The following CCNY variants were observed in gnomAD, a reference collection of about 807,000 sequenced individuals.
CCNY encodes the protein cyclin-Y.
A neutral mutation model predicts 42.8 loss-of-function variants in CCNY; 19 were observed. The ratio of observed to expected loss-of-function variants is 0.44; its 90% CI spans 0.31 to 0.65. The LOEUF (loss-of-function observed/expected upper bound fraction) is 0.65. CCNY is among the 30% of genes least tolerant of loss of function. CCNY has a pLI of 0.07. For synonymous variants in CCNY, 165 were observed against 162.7 expected (o/e 1.01, Z -0.11); for missense variants, 370 against 437.3 (o/e 0.85, Z 1.37).
At chr10:35,563,488 C>T (rs576768809) in intron 8 of CCNY, among the ~76,000 whole-genome samples, 6 of 152,254 alleles carry the variant, frequency 3.9e-5, no homozygotes, top group South Asian at 2.1e-4. Context: ...GACCACCAGA[C>T]GGCGGTGTGT....
chr10:35,332,956 T>C (rs760797032), upstream of CCNY, among the ~76,000 whole-genome samples: 2 of 152,180 alleles, frequency 1.3e-5, no homozygotes, highest in Non-Finnish European at 2.9e-5. Context: ...TCAACAGTGA[T>C]CATGGAGAAA....
intron 1 of CCNY, among the ~76,000 whole-genome samples, chr10:35,247,875 C>CAAAAAAAA (rs56166117): frequency 6.9e-5 from 4 of 58,176 alleles, no homozygotes; most frequent in African/African-American, 1.6e-4. Flanking sequence ...GACTCCATCT[C>CAAAAAAAA]AAAAAAAAAA....
rs1840834164 is a variant in CCNY, at chr10:35,534,326, T to C, written c.579+4083T>C. On this transcript the variant is annotated intron_variant, in intron 7 of 9. Transcript: ENST00000374704. Reference sequence around the variant, plus strand: ...CGTGCGCCACCACACCCAGCCCTGCTTAAGCTTTCTGAAGGGACAGAAAAA... The same window carrying C: ...CGTGCGCCACCACACCCAGCCCTGCCTAAGCTTTCTGAAGGGACAGAAAAA... 3.3e-5 allele frequency among the ~76,000 whole-genome samples: 5 copies of C among 152,324 alleles called. No individual in the cohort carries two copies. The South Asian group carries it at 1.0e-3, about 32-fold the overall frequency.
At chr10:35,356,441 G>GC (rs902364891) in intron 1 of CCNY, among the ~76,000 whole-genome samples, 2 of 152,180 alleles carry the variant, frequency 1.3e-5, no homozygotes, top group Non-Finnish European at 2.9e-5. Flanking sequence ...TCTGTTCCCA[G>GC]CCCCCAATTC....
At chr10:35,456,226 T>G (rs564043871) in intron 1 of CCNY, among the ~76,000 whole-genome samples, 73 of 152,300 alleles carry the variant, frequency 4.8e-4, no homozygotes, top group African/African-American at 1.7e-3. Flanking sequence ...GTCTTCTTGC[T>G]CCCATTGCAT....
rs151075371 is a variant in CCNY at position 35,300,621 on chromosome 10, T to G, written c.-9+49995T>G. ...TATACAATTTATTTTTTATGTATCA[T>G]TGCCACATGGTTCATTAAAAATCTA... On this transcript the variant is annotated intron_variant, in intron 3 of 11. Coordinates refer to the CCNY transcript ENST00000374706. 7.0e-4 allele frequency among the ~76,000 whole-genome samples: 107 copies of G among 152,320 alleles called. No individual in the cohort carries two copies. The East Asian group carries it at 0.019, about 27-fold the overall frequency.
At chr10:35,310,876 C>A (rs778103869) in intron 3 of CCNY, among the ~76,000 whole-genome samples, 1 of 152,214 alleles carries the variant, frequency 6.6e-6, no homozygotes, top group Non-Finnish European at 1.5e-5. Flanking sequence ...AATCGTGGCT[C>A]ACGCCTGTAA....
chr10:35,509,839 C>T (rs1840289694), intron 3 of CCNY, among the ~76,000 whole-genome samples: 1 of 152,162 alleles, frequency 6.6e-6, no homozygotes, highest in South Asian at 2.1e-4. Context: ...AATTCCACTC[C>T]ACCCTGTATT....
At chr10:35,293,786 T>A (rs2135065890) in intron 3 of CCNY, among the ~76,000 whole-genome samples, 1 of 151,688 alleles carries the variant, frequency 6.6e-6, no homozygotes, top group East Asian at 1.9e-4. Context: ...GACATACAAT[T>A]GATTTTTTTT....
intron 2 of CCNY, among the ~76,000 whole-genome samples, chr10:35,495,594 T>C (rs1338964222): frequency 6.6e-6 from 1 of 152,234 alleles, no homozygotes; most frequent in Non-Finnish European, 1.5e-5. Flanking sequence ...GCACAGAATG[T>C]CACGTTCCTC....
chr10:35,277,471 G>T (rs1397601768), intron 3 of CCNY, among the ~76,000 whole-genome samples: 1 of 152,026 alleles, frequency 6.6e-6, no homozygotes, highest in East Asian at 1.9e-4. Context: ...CTCTGCTATT[G>T]TGAAGATTCA....
intron 5 of CCNY, among the ~76,000 whole-genome samples, chr10:35,526,864 C>T (rs1197528470): frequency 6.6e-6 from 1 of 152,188 alleles, no homozygotes; most frequent in Non-Finnish European, 1.5e-5. Context: ...AATCATATTT[C>T]ATGCATAATG....
At chr10:35,471,349 C>A (rs1004005066) in intron 1 of CCNY, among the ~76,000 whole-genome samples, 1 of 152,168 alleles carries the variant, frequency 6.6e-6, no homozygotes, top group African/African-American at 2.4e-5. Context: ...CTGTGCTTTT[C>A]TGCTTTACTT....
At chr10:35,500,475 A>C (rs1400125157) in intron 2 of CCNY, among the ~76,000 whole-genome samples, 1 of 152,168 alleles carries the variant, frequency 6.6e-6, no homozygotes, top group East Asian at 1.9e-4. Flanking sequence ...ACAGTAGTGA[A>C]TCTTCTTTGC....
intron 7 of CCNY, among the ~76,000 whole-genome samples, chr10:35,548,539 G>C (rs1336076828): frequency 3.1e-4 from 47 of 152,044 alleles, no homozygotes; most frequent in Admixed American, 3.1e-3. Flanking sequence ...CTTGTGATCT[G>C]CCCACCTTGG....
At chr10:35,551,959 T>C (rs1027464588) in intron 7 of CCNY, among the ~76,000 whole-genome samples, 2 of 152,186 alleles carry the variant, frequency 1.3e-5, no homozygotes, top group Admixed American at 6.5e-5. Context: ...GAAAATGATA[T>C]GGCAGCTCCT....
intron 4 of CCNY, among the ~76,000 whole-genome samples, chr10:35,518,657 T>C (rs534922815): frequency 4.6e-5 from 6 of 130,892 alleles, no homozygotes; most frequent in Admixed American, 2.9e-4. Context: ...TCTGGATTTT[T>C]AACAGATCTT....
chr10:35,531,558 A>G (rs1002161234), intron 7 of CCNY, among the ~76,000 whole-genome samples: 2 of 152,252 alleles, frequency 1.3e-5, no homozygotes, highest in African/African-American at 2.4e-5. Context: ...AGGGATTTTA[A>G]GTTCTAACCA....
intron 3 of CCNY, among the ~76,000 whole-genome samples, chr10:35,302,961 C>T (rs919078255): frequency 3.9e-5 from 6 of 152,086 alleles, no homozygotes; most frequent in Admixed American, 1.3e-4. Flanking sequence ...TTTGAGAAGC[C>T]GAGGCAGGAA....
Sources: gnomAD v4.1 joint callset for allele counts (sites outside exome capture counted in the v4.1 genomes callset) on GRCh38, gnomAD v4.1.1 for gene constraint, MANE v1.5 for transcripts, NCBI Gene and HGNC (gene_info 2026-07-23, HGNC 2026-07-21) for gene names.